The following MAPRE3 variants were observed in gnomAD, a reference collection of about 807,000 sequenced individuals.
The protein encoded by MAPRE3 is microtubule associated protein RP/EB family member 3, also known as microtubule-associated protein RP/EB family member 3.
In MAPRE3, 2 loss-of-function variants were observed where a neutral mutation model predicts 30.5. That is an observed-to-expected ratio of 0.07 (90% CI 0.03 to 0.21). The LOEUF is 0.21. MAPRE3 is among the 10% of genes least tolerant of loss of function. MAPRE3 has a pLI of 1.00. For missense variants in MAPRE3, 204 were observed against 351.8 expected, an observed-to-expected ratio of 0.58 and a Z score of 3.36; for synonymous variants, 110 against 127.7, an observed-to-expected ratio of 0.86 and a Z score of 0.93.
chr2:27,006,350 T>C lies in MAPRE3; in HGVS notation c.-7-15862T>C, dbSNP rs144549722. ...TTGGGGAGGAAATGTAATTTCTTCT[T>C]AACCTTCATAAGTTCATAGTTGGGA... On this transcript the variant is annotated intron_variant, in intron 1 of 6. Coordinates refer to ENST00000233121, the MANE Select transcript of MAPRE3 (RefSeq NM_012326.4). 8.3e-3 allele frequency among the ~76,000 whole-genome samples: 1,267 copies of C among 152,328 alleles called. 19 individuals are homozygous for C. The highest frequency in any genetic ancestry group is 0.03 in the African/African-American group (1,234 of 41,566).
At chr2:26,995,244 C>G (rs1433465547) in intron 1 of MAPRE3, among the ~76,000 whole-genome samples, 1 of 152,194 alleles carries the variant, frequency 6.6e-6, no homozygotes, top group Non-Finnish European at 1.5e-5. Flanking sequence ...CATAATTTGC[C>G]AGCCCCTGCT....
intron 2 of MAPRE3, 116 bp downstream of exon 2, chr2:27,022,455 G>A: frequency 7.4e-7 from 1 of 1,347,924 alleles, no homozygotes; most frequent in Non-Finnish European, 1.0e-6. Context: ...TGACTGATGT[G>A]GCCAGAGAAA....
intron 1 of MAPRE3, among the ~76,000 whole-genome samples, chr2:26,998,750 G>C (rs1006831678): frequency 4.6e-5 from 7 of 152,178 alleles, no homozygotes; most frequent in Admixed American, 2.6e-4. Context: ...GAACAGGCTG[G>C]GAGTCAGGAA....
intron 3 of MAPRE3, chr2:27,023,879 C>T (rs1256902885): frequency 5.4e-6 from 3 of 550,688 alleles, no homozygotes; most frequent in East Asian, 3.1e-5. Context: ...ACAGTTCTTC[C>T]ACACGGTGCC....
chr2:27,011,059 A>G (rs1471128309), intron 1 of MAPRE3, among the ~76,000 whole-genome samples: 2 of 152,178 alleles, frequency 1.3e-5, no homozygotes, highest in Admixed American at 6.5e-5. Flanking sequence ...CCTCTTTGAA[A>G]GTGGGCCCTC....
At chr2:26,972,416 A>T (rs886696676) in intron 1 of MAPRE3, among the ~76,000 whole-genome samples, 2 of 152,230 alleles carry the variant, frequency 1.3e-5, no homozygotes, top group Non-Finnish European at 2.9e-5. Context: ...AGTAGCCAAG[A>T]CGGCTGTCGC....
intron 1 of MAPRE3, among the ~76,000 whole-genome samples, chr2:26,999,854 GA>G (rs1291941882): frequency 6.6e-6 from 1 of 151,924 alleles, no homozygotes; most frequent in African/African-American, 2.4e-5. Flanking sequence ...TTTTTTGGCA[GA>G]TTTTTTTAAC....
intron 1 of MAPRE3, among the ~76,000 whole-genome samples, chr2:27,018,270 G>A (rs1451416478): frequency 6.6e-6 from 1 of 151,942 alleles, no homozygotes. Flanking sequence ...TCTGCCCCAG[G>A]GGCCTCATAG....
intron 1 of MAPRE3, among the ~76,000 whole-genome samples, chr2:26,979,327 T>C (rs886497456): frequency 1.3e-5 from 2 of 152,244 alleles, no homozygotes; most frequent in Non-Finnish European, 2.9e-5. Flanking sequence ...GGCTCACGCC[T>C]GTCATACCAA....
chr2:27,013,992 G>A (rs1020254423), intron 1 of MAPRE3: 4 of 152,176 alleles, frequency 2.6e-5, no homozygotes, highest in African/African-American at 4.8e-5. Flanking sequence ...ACTTGCTTGT[G>A]TCTCACAGGC....
intron 1 of MAPRE3, among the ~76,000 whole-genome samples, chr2:26,979,390 A>G (rs1666072761): frequency 6.6e-6 from 1 of 152,196 alleles, no homozygotes; most frequent in Admixed American, 6.5e-5. Context: ...GTTCAAGACC[A>G]GCCTCAGCAA....
intron 1 of MAPRE3, among the ~76,000 whole-genome samples, chr2:26,979,615 A>AAG (rs1666076562): frequency 6.6e-6 from 1 of 152,160 alleles, no homozygotes; most frequent in Non-Finnish European, 1.5e-5. Context: ...TTCACAAAGG[A>AAG]AGCAGAACCT....
At chr2:27,003,107 T>C (rs1463082628) in intron 1 of MAPRE3, 1 of 152,394 alleles carries the variant, frequency 6.6e-6, no homozygotes, top group African/African-American at 2.4e-5. Context: ...ATCAACACTC[T>C]ATGAAGTAAT....
rs548708104 is a variant in MAPRE3 at position 26,977,549 on chromosome 2, G to A, written c.-8+6747G>A. On this transcript the variant is annotated intron_variant, in intron 1 of 6. Coordinates refer to ENST00000233121, the MANE Select transcript of MAPRE3 (RefSeq NM_012326.4). ...GTCTGTTTCAAAAGACTCTGCCCAG[G>A]CCCACTACAGTTGCCTTCCTCCCTT... is the stretch of plus-strand genomic sequence containing the variant. Among the ~76,000 whole-genome samples the A allele has an allele frequency of 1.8e-4, 27 of 152,244 alleles. 1 individual carries two copies. The highest frequency in any genetic ancestry group is 6.3e-4 in the African/African-American group (26 of 41,544).
intron 1 of MAPRE3, among the ~76,000 whole-genome samples, chr2:27,000,313 G>A (rs527439812): frequency 1.3e-5 from 2 of 152,308 alleles, no homozygotes; most frequent in South Asian, 2.1e-4. Context: ...AGGACTCACC[G>A]CGGAGCAAAG....
chr2:27,018,495 C>CAT, intron 1 of MAPRE3, among the ~76,000 whole-genome samples: 1 of 152,216 alleles, frequency 6.6e-6, no homozygotes, highest in Non-Finnish European at 1.5e-5. Context: ...CTTGCTGTTT[C>CAT]TAGCACACTT....
chr2:26,983,443 C>T (rs1261986562), intron 1 of MAPRE3, among the ~76,000 whole-genome samples: 1 of 152,162 alleles, frequency 6.6e-6, no homozygotes, highest in Admixed American at 6.5e-5. Context: ...TTTTTCAGGA[C>T]CCAGCAAGGC....
At chr2:27,025,372 C>T (rs779331595) in intron 4 of MAPRE3, among the ~76,000 whole-genome samples, 3 of 152,198 alleles carry the variant, frequency 2.0e-5, no homozygotes, top group African/African-American at 7.2e-5. Flanking sequence ...TCTGCTCTCC[C>T]GGGCTCGCCA....
intron 1 of MAPRE3, among the ~76,000 whole-genome samples, chr2:26,999,692 G>A (rs903017961): frequency 4.6e-5 from 7 of 151,346 alleles, no homozygotes; most frequent in South Asian, 2.1e-4. Context: ...TAGTAGAGAC[G>A]GGTTTCTCCA....
Sources: gnomAD v4.1 joint callset for allele counts (sites outside exome capture counted in the v4.1 genomes callset) on GRCh38, gnomAD v4.1.1 for gene constraint, MANE v1.5 for transcripts, NCBI Gene and HGNC (gene_info 2026-07-23, HGNC 2026-07-21) for gene names.